UGT2B7: variants seen among roughly 807,000 people sequenced by gnomAD.
UGT2B7 encodes the protein UDP glucuronosyltransferase family 2 member B7, also known as UDP-glucuronosyltransferase 2B7.
UGT2B7 carries 51 observed loss-of-function variants against 51.9 expected under a neutral mutation model. The ratio of observed to expected loss-of-function variants is 0.98; its 90% CI spans 0.78 to 1.24. The LOEUF (loss-of-function observed/expected upper bound fraction) is 1.24, where lower values mean the gene tolerates loss of function less well. UGT2B7 is among the 50% of genes most tolerant of loss of function. UGT2B7 has a pLI of 0.00. For synonymous variants in UGT2B7, 225 were observed against 211.6 expected (o/e 1.06, Z -0.55); for missense variants, 727 against 628.4 (o/e 1.16, Z -1.68).
upstream of UGT2B7, among the ~76,000 whole-genome samples, chr4:69,095,087 G>A (rs1162518784): frequency 6.6e-6 from 1 of 152,112 alleles, no homozygotes; most frequent in Non-Finnish European, 1.5e-5. Flanking sequence ...TTCCATTAAA[G>A]TTTTGTTATA....
chr4:69,065,821 A>G (rs766057365), intron 1 of UGT2B7, among the ~76,000 whole-genome samples: 64 of 152,292 alleles, frequency 4.2e-4, no homozygotes, highest in Non-Finnish European at 7.8e-4. Flanking sequence ...TATGTAGTAA[A>G]TACATTAATA....
rs60103519 is a variant in UGT2B7, at chr4:69,097,056, C to T, written c.536C>T (p.Thr179Ile). ...AGTCTCAGCTTCTCTCCTGGCTACA[C>T]TTTTGAAAAGCATAGTGGAGGATTT... ...VYSLSFSPGY[T>I]FEKHSGGFIF... The change falls in exon 1 of 6, where the codon ACT becomes ATT. Residue 179 changes from threonine (T) to isoleucine (I), a missense_variant. Coordinates refer to ENST00000305231, the MANE Select transcript of UGT2B7 (RefSeq NM_001074.4). 2,163 of 1,613,772 alleles carry T rather than the reference C, an allele frequency of 1.3e-3. 20 individuals carry two copies. The African/African-American group carries it at 0.024, about 18-fold the overall frequency.
intron 1 of UGT2B7, among the ~76,000 whole-genome samples, chr4:69,082,335 T>C (rs922313330): frequency 7.2e-5 from 11 of 151,736 alleles, no homozygotes; most frequent in African/African-American, 2.4e-4. Flanking sequence ...GAGGAAGGCA[T>C]GTTAAAAGCT....
chr4:69,104,449 A>T (rs1719530926), intron 3 of UGT2B7, among the ~76,000 whole-genome samples: 1 of 152,170 alleles, frequency 6.6e-6, no homozygotes, highest in Non-Finnish European at 1.5e-5. Context: ...TTACATTTTT[A>T]AAAATAAACT....
At chr4:69,078,584 C>A (rs1434949275) in intron 1 of UGT2B7, among the ~76,000 whole-genome samples, 5 of 152,046 alleles carry the variant, frequency 3.3e-5, no homozygotes, top group African/African-American at 1.2e-4. Context: ...TTAGAGGAGC[C>A]CCTTCTGATT....
intron 5 of UGT2B7, 133 bp from the exon 6 acceptor site, chr4:69,112,324 A>G: frequency 7.9e-7 from 1 of 1,262,726 alleles, no homozygotes; most frequent in Non-Finnish European, 1.1e-6. Context: ...TCACTCAGGG[A>G]GTTCAGCTCT....
intron 1 of UGT2B7, among the ~76,000 whole-genome samples, chr4:69,086,164 T>C (rs1718951056): frequency 6.6e-6 from 1 of 151,826 alleles, no homozygotes; most frequent in Non-Finnish European, 1.5e-5. Context: ...AACTTATTTT[T>C]TCTATATCTT....
chr4:69,106,147 T>C (rs1424409836), intron 3 of UGT2B7, among the ~76,000 whole-genome samples: 1 of 152,138 alleles, frequency 6.6e-6, no homozygotes, highest in African/African-American at 2.4e-5. Context: ...ACATGTGTAG[T>C]TTTTTTACAT....
chr4:69,106,859 C>CTT (rs5859161), intron 3 of UGT2B7, among the ~76,000 whole-genome samples: 25 of 143,184 alleles, frequency 1.7e-4, no homozygotes, highest in East Asian at 6.1e-4. Flanking sequence ...AAGCTTTTTT[C>CTT]TTTTTTTTTT....
At chr4:69,096,216 T>C (rs1489712400), upstream of UGT2B7, among the ~76,000 whole-genome samples, 2 of 152,190 alleles carry the variant, frequency 1.3e-5, no homozygotes, top group African/African-American at 2.4e-5. Context: ...GCTACTGTTC[T>C]GGACACTCTT....
At chr4:69,095,553 A>C (rs1465088691), upstream of UGT2B7, among the ~76,000 whole-genome samples, 1 of 152,172 alleles carries the variant, frequency 6.6e-6, no homozygotes, top group Admixed American at 6.5e-5. Flanking sequence ...ATTAAGAGGA[A>C]CTATAGTCTT....
intron 1 of UGT2B7, among the ~76,000 whole-genome samples, chr4:69,056,480 T>C (rs1390410429): frequency 6.6e-6 from 1 of 152,188 alleles, no homozygotes; most frequent in Non-Finnish European, 1.5e-5. Context: ...CTAATTGTTG[T>C]CTACACATAG....
intron 1 of UGT2B7, among the ~76,000 whole-genome samples, chr4:69,057,797 G>C (rs184339892): frequency 1.3e-5 from 2 of 152,192 alleles, no homozygotes; most frequent in South Asian, 2.1e-4. Context: ...TGTGGTGGAG[G>C]GGGTGGTGGT....
chr4:69,091,678 T>C (rs771760243), upstream of UGT2B7, among the ~76,000 whole-genome samples: 11 of 152,204 alleles, frequency 7.2e-5, no homozygotes, highest in Non-Finnish European at 1.0e-4. Flanking sequence ...TCAAGTATTC[T>C]GCACCTGCAG....
At chr4:69,100,186 C>G (rs560375947) in intron 2 of UGT2B7, among the ~76,000 whole-genome samples, 1 of 151,928 alleles carries the variant, frequency 6.6e-6, no homozygotes, top group Non-Finnish European at 1.5e-5. Flanking sequence ...TGTGGGAACT[C>G]GTCTCAACAT....
At chr4:69,078,624 A>C (rs1438126982) in intron 1 of UGT2B7, among the ~76,000 whole-genome samples, 1 of 152,088 alleles carries the variant, frequency 6.6e-6, no homozygotes, top group Non-Finnish European at 1.5e-5. Context: ...GTATTTTGTT[A>C]AATGTTCTGG....
At chr4:69,052,353 T>G (rs1333986459) in intron 1 of UGT2B7, among the ~76,000 whole-genome samples, 3 of 151,954 alleles carry the variant, frequency 2.0e-5, no homozygotes, top group African/African-American at 7.3e-5. Context: ...AAAAAGGCCA[T>G]CTATACCAAT....
rs1172139314 is a variant in UGT2B7, at chr4:69,058,130, G to A, written c.-159+6528G>A. Among the ~76,000 whole-genome samples, 3 of 152,182 alleles carry A rather than the reference G, an allele frequency of 2.0e-5. No individual in the cohort carries two copies. In the East Asian group the frequency reaches 5.8e-4, roughly 29 times the overall value. ...AAAGTCACAGGAGCTTGTAGCCTGA[G>A]CTGAGCTGAAAGTGAAATCTTCTCT... On this transcript the variant is annotated intron_variant, in intron 1 of 5. Transcript: ENST00000502942.
chr4:69,062,552 G>C (rs1460639496), intron 1 of UGT2B7, among the ~76,000 whole-genome samples: 1 of 152,108 alleles, frequency 6.6e-6, no homozygotes, highest in Non-Finnish European at 1.5e-5. Context: ...TAAAATTGCA[G>C]GTATCGTGCC....
Sources: gnomAD v4.1 joint callset for allele counts (sites outside exome capture counted in the v4.1 genomes callset) on GRCh38, gnomAD v4.1.1 for gene constraint, MANE v1.5 for transcripts, NCBI Gene and HGNC (gene_info 2026-07-23, HGNC 2026-07-21) for gene names.